Variants in MAST4 observed in about 807,000 individuals in gnomAD.
MAST4 encodes the protein microtubule-associated serine/threonine-protein kinase 4.
Under a neutral mutation model 162.7 loss-of-function variants are expected in MAST4, and 89 were observed. The observed-to-expected ratio is 0.55, with a 90% CI of 0.46 to 0.65. The LOEUF (loss-of-function observed/expected upper bound fraction) is 0.65, where lower values mean the gene tolerates loss of function less well. MAST4 is among the 30% of genes least tolerant of loss of function. The pLI, the probability that MAST4 is intolerant of heterozygous loss-of-function variation, is 0.00. For missense variants in MAST4, 3,153 were observed against 3,374.0 expected (o/e 0.93, Z 1.62); for synonymous variants, 1,479 against 1,361.1 (o/e 1.09, Z -1.91).
chr5:66,846,989 CTTT>C (rs1023039883), intron 3 of MAST4, among the ~76,000 whole-genome samples: 1 of 152,250 alleles, frequency 6.6e-6, no homozygotes, highest in African/African-American at 2.4e-5. Flanking sequence ...CCAGTGCCTT[CTTT>C]ATCAGCCCCC....
At chr5:67,035,481 T>C (rs1180919878) in intron 4 of MAST4, among the ~76,000 whole-genome samples, 1 of 152,176 alleles carries the variant, frequency 6.6e-6, no homozygotes, top group South Asian at 2.1e-4. Flanking sequence ...GGATCTACTA[T>C]GTCAAGTTTT....
chr5:67,144,486 A>ACACACG (rs1434004018), intron 21 of MAST4, among the ~76,000 whole-genome samples, 183 bp from the exon 22 acceptor site: 15 of 149,102 alleles, frequency 1.0e-4, no homozygotes, highest in African/African-American at 3.3e-4. Flanking sequence ...ACACACACAC[A>ACACACG]CTCACTCACC....
At chr5:66,887,237 G>A (rs559003599) in intron 3 of MAST4, among the ~76,000 whole-genome samples, 9 of 152,272 alleles carry the variant, frequency 5.9e-5, no homozygotes, top group African/African-American at 1.9e-4. Flanking sequence ...TGACAGATCT[G>A]TAATCAATGT....
intron 4 of MAST4, among the ~76,000 whole-genome samples, chr5:66,942,449 GGATT>G (rs1477472421): frequency 6.6e-6 from 1 of 152,090 alleles, no homozygotes; most frequent in East Asian, 1.9e-4. Flanking sequence ...CCTTGGTCTT[GGATT>G]GATTATGTCA....
At chr5:66,882,194 T>G (rs986011152) in intron 3 of MAST4, among the ~76,000 whole-genome samples, 1 of 152,232 alleles carries the variant, frequency 6.6e-6, no homozygotes, top group African/African-American at 2.4e-5. Flanking sequence ...GAGATTTGCC[T>G]CTGATGCGCC....
In MAST4 at chr5:66,650,671, C is replaced by A. The variant is rs1746159656; in HGVS notation, c.363+53653C>A. Among the ~76,000 whole-genome samples, 3 of 152,212 alleles carry A rather than the reference C, an allele frequency of 2.0e-5. No individual in the cohort carries two copies. The South Asian group carries it at 6.2e-4, about 32-fold the overall frequency. On this transcript the variant is annotated intron_variant, in intron 1 of 28. Transcript: ENST00000403625. ...ATTTAATGAGCATCATGAGCTGGTGCAAACTGGCTCCAGTATATCAGTGGG... is the reference window on the plus strand; with the variant it reads ...ATTTAATGAGCATCATGAGCTGGTGAAAACTGGCTCCAGTATATCAGTGGG...
chr5:66,809,882 C>G (rs145388040), intron 3 of MAST4, among the ~76,000 whole-genome samples: 1 of 152,144 alleles, frequency 6.6e-6, no homozygotes, highest in African/African-American at 2.4e-5. Flanking sequence ...ATTACAGGCA[C>G]GCACCACCAC....
intron 1 of MAST4, among the ~76,000 whole-genome samples, chr5:66,690,546 A>T (rs558542732): frequency 6.6e-6 from 1 of 152,216 alleles, no homozygotes; most frequent in African/African-American, 2.4e-5. Flanking sequence ...TTCTTCAAAT[A>T]CAAGAATGTT....
chr5:66,884,715 A>G (rs1404579756), intron 3 of MAST4, among the ~76,000 whole-genome samples: 1 of 152,244 alleles, frequency 6.6e-6, no homozygotes, highest in Non-Finnish European at 1.5e-5. Context: ...AAGCTAGGTC[A>G]GCTATCATAT....
chr5:67,151,185 A>G (rs954939517), intron 24 of MAST4, among the ~76,000 whole-genome samples: 18 of 152,228 alleles, frequency 1.2e-4, no homozygotes, highest in Non-Finnish European at 2.1e-4. Flanking sequence ...AAAAGCATTC[A>G]TTTCTGCTGC....
At chr5:66,714,712 T>C (rs1299430891) in intron 1 of MAST4, among the ~76,000 whole-genome samples, 1 of 152,272 alleles carries the variant, frequency 6.6e-6, no homozygotes, top group Non-Finnish European at 1.5e-5. Flanking sequence ...TTTTGTCTTT[T>C]TTAAACAATA....
At chr5:66,988,502 A>ATTT (rs1749747127) in intron 4 of MAST4, among the ~76,000 whole-genome samples, 1 of 152,220 alleles carries the variant, frequency 6.6e-6, no homozygotes, top group East Asian at 1.9e-4. Context: ...AATATTAGAC[A>ATTT]CTGTTTTAAA....
At chr5:67,078,911 AATATATAT>A (rs750951069) in intron 5 of MAST4, among the ~76,000 whole-genome samples, 4 of 38,100 alleles carry the variant, frequency 1.0e-4, no homozygotes, top group African/African-American at 2.5e-4. Flanking sequence ...TTTTTATATA[AATATATAT>A]ATATATATAT....
intron 4 of MAST4, among the ~76,000 whole-genome samples, chr5:66,939,753 T>G (rs1191234190): frequency 2.0e-5 from 3 of 152,250 alleles, no homozygotes; most frequent in Non-Finnish European, 2.9e-5. Flanking sequence ...TTTTGTTTTT[T>G]TTTTTCCCCA....
chr5:66,765,486 C>T (rs576935893), intron 2 of MAST4, among the ~76,000 whole-genome samples: 1 of 152,008 alleles, frequency 6.6e-6, no homozygotes, highest in Non-Finnish European at 1.5e-5. Flanking sequence ...TCACTTTTAT[C>T]GTATCAATAT....
At chr5:66,933,663 A>G (rs555570103) in intron 4 of MAST4, among the ~76,000 whole-genome samples, 16 of 152,282 alleles carry the variant, frequency 1.1e-4, no homozygotes, top group East Asian at 5.8e-4. Flanking sequence ...CTTGTTCATT[A>G]TGGAGTACCT....
chr5:66,889,597 T>G (rs1762246080), intron 3 of MAST4, among the ~76,000 whole-genome samples: 1 of 152,208 alleles, frequency 6.6e-6, no homozygotes, highest in African/African-American at 2.4e-5. Flanking sequence ...AGGTTCAGTA[T>G]TTAGAGGTGG....
chr5:67,053,447 G>C (rs1010360541), intron 4 of MAST4, among the ~76,000 whole-genome samples: 4 of 152,148 alleles, frequency 2.6e-5, no homozygotes, highest in African/African-American at 9.7e-5. Flanking sequence ...CACAGTGTAG[G>C]AGGATAGAAG....
chr5:66,806,070 A>T (rs530305556), intron 3 of MAST4, among the ~76,000 whole-genome samples: 9 of 152,324 alleles, frequency 5.9e-5, no homozygotes. Flanking sequence ...AACATTAATG[A>T]CTGCACCACT....
Sources: allele counts gnomAD v4.1 joint callset (sites outside exome capture counted in the v4.1 genomes callset), GRCh38; gene constraint gnomAD v4.1.1; transcripts MANE v1.5; gene names NCBI Gene and HGNC (gene_info 2026-07-23, HGNC 2026-07-21).